Variants in MME observed in about 807,000 individuals in gnomAD.
MME encodes the protein membrane metalloendopeptidase, also known as neprilysin.
In MME, 98 loss-of-function variants were observed where a neutral mutation model predicts 113.2. That is an observed-to-expected ratio of 0.87 (90% CI 0.74 to 1.02). The LOEUF is 1.02. MME is among the 50% of genes least tolerant of loss of function. The pLI is 0.00. For synonymous variants in MME, 292 were observed against 300.6 expected (o/e 0.97, Z 0.30); for missense variants, 836 against 896.0 (o/e 0.93, Z 0.86).
At chr3:155,108,803 A>T (rs1047852635) in intron 3 of MME, among the ~76,000 whole-genome samples, 1 of 152,166 alleles carries the variant, frequency 6.6e-6, no homozygotes, top group African/African-American at 2.4e-5. Context: ...CAGGGAATGC[A>T]CATATATAAA....
chr3:155,177,114 A>C (rs1712618734), intron 22 of MME, among the ~76,000 whole-genome samples: 1 of 152,218 alleles, frequency 6.6e-6, no homozygotes, highest in South Asian at 2.1e-4. Context: ...ATAAATCCTA[A>C]AAATACTTTT....
chr3:155,069,185 A>AT (rs1206994935), intron 1 of MME, among the ~76,000 whole-genome samples: 3 of 152,194 alleles, frequency 2.0e-5, no homozygotes, highest in African/African-American at 7.2e-5. Context: ...AATGATATGG[A>AT]TAAAAACAGT....
chr3:155,085,434 A>C (rs1715602236), intron 3 of MME: 1 of 174,650 alleles, frequency 5.7e-6, no homozygotes, highest in African/African-American at 2.4e-5. Context: ...GTCTCAGTGC[A>C]CCTCACTAGG....
chr3:155,040,789 T>C (rs1290709128), intron 1 of MME, among the ~76,000 whole-genome samples: 1 of 152,138 alleles, frequency 6.6e-6, no homozygotes, highest in African/African-American at 2.4e-5. Flanking sequence ...AAGTCTTATA[T>C]TGTATTATCT....
chr3:155,057,806 T>C (rs932290710), intron 1 of MME, among the ~76,000 whole-genome samples: 1 of 151,980 alleles, frequency 6.6e-6, no homozygotes, highest in Admixed American at 6.6e-5. Flanking sequence ...CTCCCCATAC[T>C]GCTTACAGGA....
Position 155,168,747 on chromosome 3 carries a change from A to G in MME, c.1930A>G (p.Thr644Ala), listed in dbSNP as rs201171603. 28 of 1,613,254 alleles carry G rather than the reference A, an allele frequency of 1.7e-5. No homozygotes were observed. The highest frequency in any genetic ancestry group is 2.2e-5 in the Non-Finnish European group (26 of 1,179,448). The change falls in exon 20 of 23, where the codon ACA (threonine) becomes GCA (alanine). Residue 644 changes from threonine (T) to alanine (A), a missense_variant. Physicochemically the swap from Thr to Ala is moderately conservative, Grantham distance 58. Transcript: ENST00000360490. ...TTTTTAACAGCTTAATGGAATTAAT[A>G]CACTGGGAGAAAACATTGCTGATAA... ...AGGQHLNGIN[T>A]LGENIADNGG...
chr3:155,029,840 C>A (rs1414950971), intron 1 of MME, among the ~76,000 whole-genome samples: 1 of 151,998 alleles, frequency 6.6e-6, no homozygotes, highest in African/African-American at 2.4e-5. Flanking sequence ...TTCCTCTAAG[C>A]CAATTAATTA....
chr3:155,079,637 G>T (rs1312200045), upstream of MME: 10 of 135,776 alleles, frequency 7.4e-5, no homozygotes, highest in East Asian at 2.7e-4. Flanking sequence ...GGGTGGGGGG[G>T]GTGGGCCGTG....
chr3:155,086,222 T>C (rs1715713263), intron 3 of MME, among the ~76,000 whole-genome samples: 1 of 152,150 alleles, frequency 6.6e-6, no homozygotes, highest in Non-Finnish European at 1.5e-5. Flanking sequence ...TCAGTAGAAC[T>C]GACTTGCTAA....
intron 8 of MME, among the ~76,000 whole-genome samples, chr3:155,132,930 A>G (rs931024788): frequency 2.5e-4 from 38 of 150,446 alleles, no homozygotes; most frequent in African/African-American, 8.3e-4. Context: ...GCACATGCCT[A>G]TAATCCCAGC....
At chr3:155,147,803 A>G (rs1323899933) in intron 15 of MME, among the ~76,000 whole-genome samples, 3 of 152,214 alleles carry the variant, frequency 2.0e-5, no homozygotes, top group African/African-American at 4.8e-5. Flanking sequence ...TACCCTGATG[A>G]CAGCGAGGTG....
chr3:155,144,389 G>C lies in MME; in HGVS notation c.1348G>C (p.Val450Leu). ...GGATTTGATTGCACAGATCCGAGAA[G>C]TTTTTATTCAGACTTTAGATGACCT... ...VEDLIAQIRE[V>L]FIQTLDDLTW... Residue 450 changes from valine to leucine, a missense_variant, in exon 14 of 23, where the codon GTT (valine) becomes CTT (leucine). Transcript: ENST00000360490. 1.2e-6 allele frequency: 2 copies of C among 1,613,078 alleles called. No individual in the cohort carries two copies. Among genetic ancestry groups the C allele is most frequent in the Non-Finnish European group, 1.7e-6 (2 of 1,179,328 alleles).
chr3:155,157,627 C>A (rs1354424027), intron 16 of MME, among the ~76,000 whole-genome samples: 4 of 152,132 alleles, frequency 2.6e-5, no homozygotes, highest in Non-Finnish European at 4.4e-5. Context: ...GACATTCAGT[C>A]TATAGTTGTT....
At chr3:155,111,810 T>C (rs997889740) in intron 3 of MME, among the ~76,000 whole-genome samples, 2 of 152,170 alleles carry the variant, frequency 1.3e-5, no homozygotes, top group Non-Finnish European at 2.9e-5. Context: ...CCCCTCCAAA[T>C]GGCATAGCCT....
intron 1 of MME, among the ~76,000 whole-genome samples, chr3:155,062,788 C>T (rs1321082342): frequency 6.6e-6 from 1 of 151,870 alleles, no homozygotes; most frequent in African/African-American, 2.4e-5. Flanking sequence ...GGCGCAGTGG[C>T]TCACACCTGT....
chr3:155,118,306 A>G (rs1002077092), intron 7 of MME, among the ~76,000 whole-genome samples: 1 of 152,140 alleles, frequency 6.6e-6, no homozygotes, highest in Non-Finnish European at 1.5e-5. Flanking sequence ...ACCCACTCCC[A>G]CCAATGAAAG....
intron 1 of MME, among the ~76,000 whole-genome samples, chr3:155,046,677 T>C (rs6808064): frequency 0.15 from 22,115 of 152,056 alleles, 2,753 homozygotes; most frequent in African/African-American, 0.34. Flanking sequence ...GCTACAAGAG[T>C]GAGACTTTGT....
rs539308013 is a variant in MME, at chr3:155,044,090, A to G, written c.-11+19766A>G. On this transcript the variant is annotated intron_variant, in intron 1 of 22. Coordinates refer to the MME transcript ENST00000492661. ...ATTCCTCATTAAGTATTTCTCTTTT[A>G]TAACTATTATATGTTGAATATTTTC... Among the ~76,000 whole-genome samples, 29 of 138,730 alleles carry G rather than the reference A, an allele frequency of 2.1e-4. No homozygotes were observed. In the South Asian group the frequency reaches 5.1e-3, roughly 24 times the overall value. 91.0% of individuals were successfully genotyped at this position (138,730 alleles called of 152,430 possible). A position where few individuals can be genotyped will look rare whatever the true frequency, so the allele number is the denominator to read the frequency against.
rs201705210 is a variant in MME at position 155,183,309 on chromosome 3, T to C, written c.*2850T>C. ...CCTAAAAAAAGAGAATTAGATTATA[T>C]TGGTGGTTCTCAGCAAGAGAAGGAG... is the stretch of plus-strand genomic sequence containing the variant. On this transcript the variant is annotated 3_prime_UTR_variant, in exon 23 of 23. Coordinates refer to ENST00000360490, the MANE Select transcript of MME (RefSeq NM_007289.4). The C allele has an allele frequency of 6.6e-6, 1 of 152,154 alleles. No homozygotes were observed. Among genetic ancestry groups the C allele is most frequent in the East Asian group, 1.9e-4 (1 of 5,190 alleles). 9.4% of individuals were successfully genotyped at this position (152,154 alleles called of 1,614,324 possible).
Sources: allele counts gnomAD v4.1 joint callset (sites outside exome capture counted in the v4.1 genomes callset), GRCh38; gene constraint gnomAD v4.1.1; transcripts MANE v1.5; gene names NCBI Gene and HGNC (gene_info 2026-07-23, HGNC 2026-07-21).